The following KCND2 variants were observed in gnomAD, a reference collection of about 807,000 sequenced individuals.
KCND2 encodes potassium voltage-gated channel subfamily D member 2, also known as A-type voltage-gated potassium channel KCND2.
KCND2 carries 16 observed loss-of-function variants against 54.4 expected under a neutral mutation model. The observed-to-expected ratio is 0.29, with a 90% confidence interval of 0.20 to 0.45. The LOEUF (loss-of-function observed/expected upper bound fraction) is 0.45. Ranked by LOEUF, KCND2 falls within the 20% of genes least tolerant of loss-of-function variation. The probability of loss-of-function intolerance (pLI) is 1.00; values close to 1 mark genes in which losing one functional copy is unlikely to be tolerated. For missense variants in KCND2, 486 were observed against 824.2 expected (o/e 0.59, Z 5.02); for synonymous variants, 317 against 310.7 (o/e 1.02, Z -0.21).
At chr7:120,710,214 C>T (rs1054213102) in intron 1 of KCND2, among the ~76,000 whole-genome samples, 18 of 152,128 alleles carry the variant, frequency 1.2e-4, no homozygotes, top group African/African-American at 1.9e-4. Context: ...GTTCCCAAGA[C>T]GCTTTTCAAA....
chr7:120,705,682 T>A (rs770030264), intron 1 of KCND2, among the ~76,000 whole-genome samples: 3 of 152,126 alleles, frequency 2.0e-5, no homozygotes, highest in Non-Finnish European at 4.4e-5. Flanking sequence ...ATTTTCCTGG[T>A]TGCCAGGAAT....
At chr7:120,747,594 A>C (rs904331184) in intron 5 of KCND2, 87 bp from the exon 6 acceptor site, 2 of 866,174 alleles carry the variant, frequency 2.3e-6, no homozygotes, top group African/African-American at 3.4e-5. Context: ...AAATATTTTT[A>C]TAAGCATTAC....
chr7:120,703,590 A>G (rs1002655090), intron 1 of KCND2, among the ~76,000 whole-genome samples: 2 of 152,218 alleles, frequency 1.3e-5, no homozygotes, highest in African/African-American at 2.4e-5. Context: ...TCAGAAGAAC[A>G]GTTATTACAC....
chr7:120,429,808 A>G (rs1432463023), intron 1 of KCND2, among the ~76,000 whole-genome samples: 1 of 152,200 alleles, frequency 6.6e-6, no homozygotes, highest in Non-Finnish European at 1.5e-5. Context: ...CTGCCACCAT[A>G]AGCTTGACAT....
intron 1 of KCND2, among the ~76,000 whole-genome samples, chr7:120,371,561 A>G (rs952806515): frequency 9.2e-5 from 14 of 151,972 alleles, no homozygotes; most frequent in African/African-American, 2.9e-4. Flanking sequence ...GTTGATTTTA[A>G]GATTCCATAA....
Position 120,313,736 on chromosome 7 carries a change from C to G in KCND2, c.1115+37989C>G, listed in dbSNP as rs534966407. ...TAGAAAACTCTGCTCAAGATGTCTCCTGGGATTTTTTTTTTTTTTTTTGTA... is the reference window on the plus strand; with the variant it reads ...TAGAAAACTCTGCTCAAGATGTCTCGTGGGATTTTTTTTTTTTTTTTTGTA... On this transcript the variant is annotated intron_variant, in intron 1 of 5. Coordinates refer to ENST00000331113, the MANE Select transcript of KCND2 (RefSeq NM_012281.3). Among the ~76,000 whole-genome samples the G allele has an allele frequency of 5.6e-4, 66 of 117,038 alleles. No individual in the cohort carries two copies. In the South Asian group the frequency reaches 0.013, roughly 24 times the overall value. 76.8% of individuals were successfully genotyped at this position (117,038 alleles called of 152,430 possible).
intron 1 of KCND2, among the ~76,000 whole-genome samples, chr7:120,576,070 G>C (rs1041551756): frequency 1.5e-5 from 2 of 134,374 alleles, no homozygotes; most frequent in African/African-American, 5.5e-5. Context: ...TGTGGATATA[G>C]AAAAAATTAC....
chr7:120,741,583 C>G lies in KCND2; in HGVS notation c.1328C>G (p.Ala443Gly), dbSNP rs1472278021. The change falls in exon 3 of 6, where the codon GCT becomes GGT. Residue 443 changes from alanine (A) to glycine (G), a missense_variant. Ala to Gly is a moderately conservative substitution (Grantham distance 60). This residue lies in a region of KCND2 where 202 missense variants were observed against 252.7 expected (regional missense o/e 0.80). Coordinates refer to ENST00000331113, the MANE Select transcript of KCND2 (RefSeq NM_012281.3). ...IRAAKSGSANAYMQSKRNGLL... is the reference protein window; with the variant it reads ...IRAAKSGSANGYMQSKRNGLL... ...GCAGCCAAAAGCGGAAGCGCAAATG[C>G]TTACATGCAGAGCAAACGGAATGGT... 3 of 1,613,308 alleles carry G rather than the reference C, an allele frequency of 1.9e-6. No homozygotes were observed. The East Asian group carries it at 6.7e-5, about 36-fold the overall frequency.
At chr7:120,699,190 G>A (rs1016878650) in intron 1 of KCND2, among the ~76,000 whole-genome samples, 1 of 151,876 alleles carries the variant, frequency 6.6e-6, no homozygotes, top group African/African-American at 2.4e-5. Context: ...GCTGAGGCAG[G>A]AGAATGGTGT....
chr7:120,473,464 T>C (rs1430334098), intron 1 of KCND2, among the ~76,000 whole-genome samples: 1 of 152,144 alleles, frequency 6.6e-6, no homozygotes, highest in Non-Finnish European at 1.5e-5. Flanking sequence ...TTTCTAGTCA[T>C]TCAGAACACT....
chr7:120,483,644 C>T (rs908475963), intron 1 of KCND2, among the ~76,000 whole-genome samples: 26 of 151,858 alleles, frequency 1.7e-4, no homozygotes, highest in African/African-American at 5.3e-4. Context: ...GTCAAAGTAA[C>T]CAAGAGTAGG....
At chr7:120,402,461 G>A (rs528818207) in intron 1 of KCND2, among the ~76,000 whole-genome samples, 6 of 152,222 alleles carry the variant, frequency 3.9e-5, no homozygotes, top group Admixed American at 2.0e-4. Flanking sequence ...CTCAGTTGAA[G>A]CAGGCGATAG....
chr7:120,522,878 T>A (rs1054603240), intron 1 of KCND2, among the ~76,000 whole-genome samples: 3 of 152,192 alleles, frequency 2.0e-5, no homozygotes, highest in African/African-American at 7.2e-5. Flanking sequence ...TACTAAATAA[T>A]AAAGGGATTC....
At chr7:120,594,647 G>A (rs1254997664) in intron 1 of KCND2, among the ~76,000 whole-genome samples, 1 of 152,182 alleles carries the variant, frequency 6.6e-6, no homozygotes, top group African/African-American at 2.4e-5. Context: ...TGCCACAGCT[G>A]TTTTTTGCCT....
At chr7:120,641,350 C>T (rs1324864426) in intron 1 of KCND2, among the ~76,000 whole-genome samples, 9 of 152,110 alleles carry the variant, frequency 5.9e-5, no homozygotes, top group African/African-American at 2.2e-4. Context: ...GGCCCTGTAC[C>T]CCTCTAGTGT....
chr7:120,634,905 A>G (rs1055835398), intron 1 of KCND2, among the ~76,000 whole-genome samples: 2 of 152,114 alleles, frequency 1.3e-5, no homozygotes, highest in Admixed American at 6.5e-5. Flanking sequence ...GATGTCAGCA[A>G]TTCCCAAGGT....
intron 1 of KCND2, among the ~76,000 whole-genome samples, chr7:120,317,092 C>T (rs1475658772): frequency 6.6e-6 from 1 of 152,104 alleles, no homozygotes; most frequent in Non-Finnish European, 1.5e-5. Flanking sequence ...ACCTTGGCCT[C>T]CCAAAGTGCT....
intron 1 of KCND2, among the ~76,000 whole-genome samples, chr7:120,540,288 A>G (rs1353305610): frequency 5.3e-5 from 8 of 152,242 alleles, no homozygotes; most frequent in Admixed American, 5.2e-4. Context: ...ACCTTATGAT[A>G]TAAAATTATT....
intron 5 of KCND2, among the ~76,000 whole-genome samples, chr7:120,747,338 T>TCAAA (rs2116194350): frequency 6.6e-6 from 1 of 152,266 alleles, no homozygotes; most frequent in Admixed American, 6.6e-5. Context: ...TAGTGGTTTC[T>TCAAA]CAAACCTCTC....
Sources: allele counts gnomAD v4.1 joint callset (sites outside exome capture counted in the v4.1 genomes callset), GRCh38; gene constraint gnomAD v4.1.1; regional missense constraint gnomAD v4.1.1; transcripts MANE v1.5; gene names NCBI Gene and HGNC (gene_info 2026-07-23, HGNC 2026-07-21).